Variants in LTB observed in about 807,000 individuals in gnomAD.
LTB encodes the protein lymphotoxin-beta.
LTB carries 17 observed loss-of-function variants against 14.7 expected under a neutral mutation model. The ratio of observed to expected loss-of-function variants is 1.16; its 90% CI spans 0.79 to 1.73. The LOEUF (loss-of-function observed/expected upper bound fraction) is 1.73, where lower values mean the gene tolerates loss of function less well. Among genes scored for constraint, LTB ranks in the 40% most tolerant of loss-of-function variants. The pLI, the probability that LTB is intolerant of heterozygous loss-of-function variation, is 0.00. For synonymous variants in LTB, 163 were observed against 157.3 expected (o/e 1.04, Z -0.27); for missense variants, 288 against 324.3 (o/e 0.89, Z 0.86).
intron 2 of LTB, 80 bp downstream of exon 2, chr6:31,581,734 A>T: frequency 6.2e-7 from 1 of 1,602,576 alleles, no homozygotes; most frequent in Non-Finnish European, 8.5e-7. Flanking sequence ...TTCCTAGAGG[A>T]AGAGGTATCT....
At position 31,581,279 on chromosome 6, in the gene LTB, A is replaced by G. The variant is rs1181960193; in HGVS notation, c.281-116T>C. ...GCCGAGCCGGGCCGGGGGAGGAGGGATGGTGCTGTTTCTGGGATGAGTGCG... is the reference window on the plus strand; with the variant it reads ...GCCGAGCCGGGCCGGGGGAGGAGGGGTGGTGCTGTTTCTGGGATGAGTGCG... On this transcript the variant is annotated intron_variant, in intron 3 of 3. Coordinates refer to ENST00000429299, the MANE Select transcript of LTB (RefSeq NM_002341.2). 1.8e-5 allele frequency: 17 copies of G among 965,896 alleles called. No homozygotes were observed. In the East Asian group the frequency reaches 4.0e-4, roughly 23 times the overall value. The allele number at this position is 965,896 out of a possible 1,614,324, so 59.8% of individuals were successfully genotyped here.
rs777963449 is a variant in LTB at position 31,581,858 on chromosome 6, A to C, written c.164T>G (p.Val55Gly). Residue 55 changes from valine (V) to glycine (G), a missense_variant and splice_region_variant, in exon 2 of 4, where the codon GTA (valine) becomes GGA (glycine). Val to Gly is a moderately radical substitution (Grantham distance 109). This residue lies in a region of LTB where 284 missense variants were observed against 299.2 expected (regional missense o/e 0.95). Transcript: ENST00000429299. ...TGCCCCGGGGTCGGCCGTCTCCGTTACCTGGTTGGGTGGGGTCACAGTGCC... is the reference window on the plus strand; with the variant it reads ...TGCCCCGGGGTCGGCCGTCTCCGTTCCCTGGTTGGGTGGGGTCACAGTGCC... ...ALVPQDQGGL[V>G]TETADPGAQA... 2.5e-6 allele frequency: 4 copies of C among 1,591,268 alleles called. No individual in the cohort carries two copies. In the African/African-American group the frequency reaches 4.0e-5, roughly 16 times the overall value.
Position 31,582,390 on chromosome 6 carries a change from C to T in LTB, c.28G>A (p.Gly10Ser). Residue 10 changes from glycine (G) to serine (S), a missense_variant, in exon 1 of 4, where the codon GGT becomes AGT. By Grantham distance (56) the Gly-to-Ser change is moderately conservative (BLOSUM62 0). Coordinates refer to ENST00000429299, the MANE Select transcript of LTB (RefSeq NM_002341.2). Reference sequence around the variant, plus strand: ...GAACCCCTCCCCTGGAGCCTCCCACCCCTGCCCTCCAGCCCCAGTGCCCCC... The same window carrying T: ...GAACCCCTCCCCTGGAGCCTCCCACTCCTGCCCTCCAGCCCCAGTGCCCCC... MGALGLEGR[G>S]GRLQGRGSLL... 1 of 1,612,718 alleles carries T rather than the reference C, an allele frequency of 6.2e-7. No individual in the cohort carries two copies.
At position 31,582,244 on chromosome 6, in the gene LTB, G is replaced by A. The variant is rs750720058; in HGVS notation, c.162+12C>T. On this transcript the variant is annotated intron_variant, in intron 1 of 3. Transcript: ENST00000429299. ...ATACAACTCTCCACCAGGGCCTGTT[G>A]CAGCCACTCACCAGTCCTCCCTGAT... 6.2e-7 allele frequency: 1 copy of A among 1,612,346 alleles called. No individual in the cohort carries two copies. The highest frequency in any genetic ancestry group is 8.5e-7 in the Non-Finnish European group (1 of 1,179,606).
At chr6:31,582,129 A>C in intron 1 of LTB, 127 bp downstream of exon 1, 1 of 1,116,812 alleles carries the variant, frequency 9.0e-7, no homozygotes, top group East Asian at 2.4e-5. Context: ...GCAAAGAGAC[A>C]AGACATCCCC....
rs1404114266 is a variant in LTB, at chr6:31,580,884, G to T, written c.560C>A (p.Pro187Gln). Reference sequence around the variant, plus strand: ...TTGTCTCCTGGCCGGGTCCAGCACTGGAGTCACCGTCTCGGCGCCCTCGAG... The same window carrying T: ...TTGTCTCCTGGCCGGGTCCAGCACTTGAGTCACCGTCTCGGCGCCCTCGAG... ...LLLEGAETVT[P>Q]VLDPARRQGY... The change falls in exon 4 of 4, where the codon CCA becomes CAA. Residue 187 changes from proline to glutamine, a missense_variant. By Grantham distance (76) the Pro-to-Gln change is moderately conservative (BLOSUM62 -1). This residue lies in a region of LTB where 284 missense variants were observed against 299.2 expected (regional missense o/e 0.95). Transcript: ENST00000429299. The surrounding 1 kb of genome is among the most constrained non-coding windows in gnomAD (Gnocchi z 6.6). The T allele has an allele frequency of 6.2e-7, 1 of 1,604,632 alleles. No homozygotes were observed. Among genetic ancestry groups the T allele is most frequent in the Non-Finnish European group, 8.5e-7 (1 of 1,176,426 alleles).
At chr6:31,581,537 T>C (rs1389292743) in intron 3 of LTB, 22 bp downstream of exon 3, 2 of 1,608,174 alleles carry the variant, frequency 1.2e-6, no homozygotes, top group Admixed American at 1.7e-5. Flanking sequence ...TACACTCTTA[T>C]TCAGGTCTTG....
At chr6:31,581,653 G>A (rs937102036) in intron 2 of LTB, 23 bp from the exon 3 acceptor site, 1 of 1,611,504 alleles carries the variant, frequency 6.2e-7, no homozygotes, top group Non-Finnish European at 8.5e-7. Flanking sequence ...AAGAGTCCAC[G>A]ATTGGGGGCA....
rs2150396302 is a variant in LTB, at chr6:31,582,356, A to T, written c.62T>A (p.Leu21Gln). The change falls in exon 1 of 4, where the codon CTA becomes CAA. Residue 21 changes from leucine to glutamine, a missense_variant. Physicochemically the swap from Leu to Gln is moderately radical, Grantham distance 113. Coordinates refer to ENST00000429299, the MANE Select transcript of LTB (RefSeq NM_002341.2). ...GRLQGRGSLLLAVAGATSLVT... is the reference protein window; with the variant it reads ...GRLQGRGSLLQAVAGATSLVT... ...CAGAGAAGTGGCTCCTGCCACAGCT[A>T]GCAGGAGGGAACCCCTCCCCTGGAG... 6.2e-7 allele frequency: 1 copy of T among 1,612,882 alleles called. No individual in the cohort carries two copies. The highest frequency in any genetic ancestry group is 1.1e-5 in the South Asian group (1 of 91,086).
At chr6:31,582,167 A>G (rs1338872292) in intron 1 of LTB, 89 bp downstream of exon 1, 38 of 1,502,188 alleles carry the variant, frequency 2.5e-5, no homozygotes, top group Non-Finnish European at 3.3e-5. Context: ...CAGCTGAGCC[A>G]GAGGGGGCAA....
At chr6:31,581,911 C>G in intron 1 of LTB, 52 bp from the exon 2 acceptor site, 1 of 1,523,654 alleles carries the variant, frequency 6.6e-7, no homozygotes, top group Non-Finnish European at 8.8e-7. Context: ...TCATGTCACC[C>G]CTACCCCTCT....
At chr6:31,581,973 C>CTTTT in intron 1 of LTB, 114 bp from the exon 2 acceptor site, 1 of 1,035,560 alleles carries the variant, frequency 9.7e-7, no homozygotes, top group East Asian at 2.4e-5. Context: ...GCACCATCCC[C>CTTTT]AACACACACC....
At chr6:31,581,450 A>G (rs1771501448) in intron 3 of LTB, 109 bp downstream of exon 3, 1 of 1,057,474 alleles carries the variant, frequency 9.5e-7, no homozygotes, top group Non-Finnish European at 1.5e-6. Flanking sequence ...AAGGTCGTGA[A>G]GCGGGTGGGA....
At chr6:31,581,300 G>A (rs766636967) in intron 3 of LTB, 137 bp from the exon 4 acceptor site, 3 of 831,036 alleles carry the variant, frequency 3.6e-6, no homozygotes, top group African/African-American at 1.7e-5. Flanking sequence ...TCTGGGATGA[G>A]TGCGAGTTGG....
chr6:31,581,418 T>C, intron 3 of LTB, 141 bp downstream of exon 3: 1 of 877,434 alleles, frequency 1.1e-6, no homozygotes, highest in Non-Finnish European at 1.9e-6. Flanking sequence ...GGGACGAGCG[T>C]AAGAGTGGGC....
rs747146913 is a variant in LTB at position 31,580,724 on chromosome 6, G to C, written c.720C>G (p.Ala240=). 2.8e-5 allele frequency: 45 copies of C among 1,610,144 alleles called. No homozygotes were observed. Among genetic ancestry groups the C allele is most frequent in the Admixed American group, 2.7e-4 (16 of 59,876 alleles). Residue 240 remains alanine, a synonymous_variant, in exon 4 of 4, where the codon GCC becomes GCG. Transcript: ENST00000429299. This position sits in a 1 kb window ranked among gnomAD's most constrained non-coding sequence, Gnocchi z 6.6. ...TCATATTCCCTCACCCCACCATCACGGCCCCAAAGAAGGTCTTCCCTCTCG... is the reference window on the plus strand; with the variant it reads ...TCATATTCCCTCACCCCACCATCACCGCCCCAAAGAAGGTCTTCCCTCTCG... ...DFARGKTFFG[A]VMVG
chr6:31,581,259 G>A, intron 3 of LTB, 96 bp from the exon 4 acceptor site: 1 of 1,183,048 alleles, frequency 8.5e-7, no homozygotes, highest in Admixed American at 2.5e-5. Flanking sequence ...CGGGAGCCGA[G>A]CCGGGCCGGG....
Position 31,582,241 on chromosome 6 carries a change from G to A in LTB, c.162+15C>T, listed in dbSNP as rs541177858. 25 of 1,612,446 alleles carry A rather than the reference G, an allele frequency of 1.6e-5. No individual in the cohort carries two copies. The East Asian group carries it at 4.2e-4, about 27-fold the overall frequency. On this transcript the variant is annotated intron_variant, in intron 1 of 3. Coordinates refer to ENST00000429299, the MANE Select transcript of LTB (RefSeq NM_002341.2). ...AAGATACAACTCTCCACCAGGGCCT[G>A]TTGCAGCCACTCACCAGTCCTCCCT...
Position 31,581,051 on chromosome 6 carries a change from G to A in LTB, c.393C>T (p.Gly131=), listed in dbSNP as rs1249621685. 4 of 1,608,416 alleles carry A rather than the reference G, an allele frequency of 2.5e-6. No homozygotes were observed. The highest frequency in any genetic ancestry group is 2.5e-6 in the Non-Finnish European group (3 of 1,178,102). Residue 131 remains glycine, a synonymous_variant, in exon 4 of 4, where the codon GGC becomes GGT. Transcript: ENST00000429299. ...DAEGLALPQD[G]LYYLYCLVGY... ...CGACGAGACAGTAGAGGTAATAGAG[G>A]CCGTCCTGCGGGAGCGCCAGCCCCT...
Sources: allele counts gnomAD v4.1 joint callset, GRCh38; gene constraint gnomAD v4.1.1; regional missense constraint gnomAD v4.1.1; non-coding constraint Gnocchi (gnomAD v3.1); transcripts MANE v1.5; gene names NCBI Gene and HGNC (gene_info 2026-07-23, HGNC 2026-07-21).